Variants in LRRTM4 observed in about 807,000 individuals in gnomAD.
LRRTM4 encodes the protein leucine rich repeat transmembrane neuronal 4, also known as leucine-rich repeat transmembrane neuronal protein 4.
A neutral mutation model predicts 47.6 loss-of-function variants in LRRTM4; 25 were observed. That is an observed-to-expected ratio of 0.53 (90% CI 0.38 to 0.73). The LOEUF is 0.73. Ranked by LOEUF, LRRTM4 falls within the 30% of genes least tolerant of loss-of-function variation. The probability of loss-of-function intolerance (pLI) is 0.00; values close to 1 mark genes in which losing one functional copy is unlikely to be tolerated. For missense variants in LRRTM4, 638 were observed against 713.4 expected (o/e 0.89, Z 1.20); for synonymous variants, 311 against 269.5 (o/e 1.15, Z -1.51).
chr2:77,482,668 A>G (rs766456038), intron 3 of LRRTM4, among the ~76,000 whole-genome samples: 10 of 152,196 alleles, frequency 6.6e-5, no homozygotes, highest in Non-Finnish European at 1.3e-4. Context: ...TAATTTTAAT[A>G]CAAATAACCG....
chr2:77,285,340 T>TTTTATATATATA (rs1553422162), intron 3 of LRRTM4, among the ~76,000 whole-genome samples: 56 of 82,610 alleles, frequency 6.8e-4, no homozygotes, highest in African/African-American at 2.3e-3. Context: ...AGCATTAAAT[T>TTTTATATATATA]TATATATATA....
At chr2:77,424,575 C>A (rs1315115621) in intron 3 of LRRTM4, among the ~76,000 whole-genome samples, 1 of 152,114 alleles carries the variant, frequency 6.6e-6, no homozygotes, top group Non-Finnish European at 1.5e-5. Context: ...GCATATTTTG[C>A]AATTTGATGT....
At chr2:77,132,070 C>T (rs1453260608) in intron 3 of LRRTM4, among the ~76,000 whole-genome samples, 1 of 152,122 alleles carries the variant, frequency 6.6e-6, no homozygotes, top group African/African-American at 2.4e-5. Flanking sequence ...AGTCATCTTG[C>T]TCTGCTATCA....
chr2:77,335,103 C>T (rs1671113071), intron 3 of LRRTM4, among the ~76,000 whole-genome samples: 1 of 152,072 alleles, frequency 6.6e-6, no homozygotes, highest in Non-Finnish European at 1.5e-5. Flanking sequence ...TTGCAACTAG[C>T]TTATATTAAT....
At chr2:77,320,013 TCTAA>T (rs980554837) in intron 3 of LRRTM4, among the ~76,000 whole-genome samples, 1 of 152,186 alleles carries the variant, frequency 6.6e-6, no homozygotes, top group Non-Finnish European at 1.5e-5. Context: ...AACATGCACC[TCTAA>T]CTGTTGTTTT....
At chr2:77,446,234 T>C (rs1225780544) in intron 3 of LRRTM4, among the ~76,000 whole-genome samples, 1 of 152,068 alleles carries the variant, frequency 6.6e-6, no homozygotes, top group Non-Finnish European at 1.5e-5. Context: ...CTACTGATAT[T>C]TTGGTTCATA....
chr2:77,464,778 T>C (rs947917022), intron 3 of LRRTM4, among the ~76,000 whole-genome samples: 1 of 152,132 alleles, frequency 6.6e-6, no homozygotes, highest in Non-Finnish European at 1.5e-5. Flanking sequence ...ATCAGAATCA[T>C]ATGAGACACT....
intron 3 of LRRTM4, among the ~76,000 whole-genome samples, chr2:77,322,749 T>A (rs1450103237): frequency 6.7e-6 from 1 of 150,170 alleles, no homozygotes; most frequent in Non-Finnish European, 1.5e-5. Context: ...CACACAACTT[T>A]AAAAATCTAT....
At chr2:77,468,453 G>GGTAT (rs1677063950) in intron 3 of LRRTM4, among the ~76,000 whole-genome samples, 1 of 152,070 alleles carries the variant, frequency 6.6e-6, no homozygotes, top group Non-Finnish European at 1.5e-5. Context: ...ATAAATTCAA[G>GGTAT]GTATGCTTCA....
chr2:77,048,394 C>G (rs1447543191), intron 3 of LRRTM4, among the ~76,000 whole-genome samples: 1 of 151,988 alleles, frequency 6.6e-6, no homozygotes, highest in African/African-American at 2.4e-5. Flanking sequence ...AGTACATGAA[C>G]TGCCATCATA....
intron 3 of LRRTM4, among the ~76,000 whole-genome samples, chr2:76,923,843 T>G (rs1481976299): frequency 6.6e-6 from 1 of 152,116 alleles, no homozygotes; most frequent in Non-Finnish European, 1.5e-5. Flanking sequence ...AAACTTGAAT[T>G]AAGTATAGGG....
intron 3 of LRRTM4, among the ~76,000 whole-genome samples, chr2:77,249,076 G>A (rs6758250): frequency 0.05 from 7,563 of 152,136 alleles, 640 homozygotes; most frequent in African/African-American, 0.17. Context: ...GGGGCCTGGC[G>A]CGGTGGCTCA....
At chr2:77,150,829 A>C (rs1388011834) in intron 3 of LRRTM4, among the ~76,000 whole-genome samples, 4 of 152,108 alleles carry the variant, frequency 2.6e-5, no homozygotes, top group African/African-American at 9.6e-5. Context: ...TACTATCCCT[A>C]CCATTATCAA....
At chr2:77,376,589 T>C (rs1039086405) in intron 3 of LRRTM4, among the ~76,000 whole-genome samples, 6 of 151,758 alleles carry the variant, frequency 4.0e-5, no homozygotes, top group Non-Finnish European at 7.4e-5. Flanking sequence ...TGTCCCTCAG[T>C]TGATCTCAAT....
chr2:77,258,615 TC>T (rs1675833079), intron 3 of LRRTM4, among the ~76,000 whole-genome samples: 1 of 151,944 alleles, frequency 6.6e-6, no homozygotes, highest in African/African-American at 2.4e-5. Context: ...ACAAAATAAT[TC>T]AATAAAACAA....
At chr2:76,932,981 C>G (rs1674824555) in intron 3 of LRRTM4, among the ~76,000 whole-genome samples, 1 of 152,076 alleles carries the variant, frequency 6.6e-6, no homozygotes, top group African/African-American at 2.4e-5. Context: ...AAATGATAAA[C>G]TTTCACACAG....
intron 3 of LRRTM4, among the ~76,000 whole-genome samples, chr2:76,809,709 A>T (rs552975282): frequency 6.6e-6 from 1 of 152,018 alleles, no homozygotes; most frequent in Admixed American, 6.6e-5. Flanking sequence ...CCAAATACAA[A>T]CCTTGGCCTA....
rs1208882538 is a variant in LRRTM4, at chr2:76,909,655, A to C, written c.1552-160739T>G. On this transcript the variant is annotated intron_variant, in intron 3 of 3. Transcript: ENST00000409884. ...ACTCAAACAAATTTACAAGAAAAAA[A>C]CAAACAACCCCATCAAAAAGTGGGC... Among the ~76,000 whole-genome samples the C allele has an allele frequency of 1.3e-5, 2 of 152,102 alleles. 1 individual carries two copies. Among genetic ancestry groups the C allele is most frequent in the Admixed American group, 1.3e-4 (2 of 15,262 alleles).
At chr2:76,887,503 A>G (rs1368027988) in intron 3 of LRRTM4, among the ~76,000 whole-genome samples, 2 of 143,640 alleles carry the variant, frequency 1.4e-5, no homozygotes, top group East Asian at 4.0e-4. Context: ...ATTTATATAT[A>G]CACATATATA....
Sources: gnomAD v4.1 joint callset for allele counts (sites outside exome capture counted in the v4.1 genomes callset) on GRCh38, gnomAD v4.1.1 for gene constraint, MANE v1.5 for transcripts, NCBI Gene and HGNC (gene_info 2026-07-23, HGNC 2026-07-21) for gene names.